The following DAB1 variants were observed in gnomAD, a reference collection of about 807,000 sequenced individuals.
DAB1 encodes disabled homolog 1.
A neutral mutation model predicts 64.6 loss-of-function variants in DAB1; 15 were observed. The observed-to-expected ratio is 0.23, with a 90% CI of 0.16 to 0.36. The LOEUF is 0.36. DAB1 is among the 10% of genes least tolerant of loss of function. The pLI, the probability that DAB1 is intolerant of heterozygous loss-of-function variation, is 1.00. For synonymous variants in DAB1, 235 were observed against 251.9 expected (o/e 0.93, Z 0.64); for missense variants, 596 against 706.7 (o/e 0.84, Z 1.78).
At chr1:57,234,720 G>C (rs761893180) in intron 2 of DAB1, among the ~76,000 whole-genome samples, 1 of 152,114 alleles carries the variant, frequency 6.6e-6, no homozygotes, top group Non-Finnish European at 1.5e-5. Context: ...TATTGACCAG[G>C]CTAGCTCTTA....
At chr1:57,670,046 G>T (rs1258704661) in intron 6 of DAB1, among the ~76,000 whole-genome samples, 19 of 151,918 alleles carry the variant, frequency 1.3e-4, no homozygotes, top group Non-Finnish European at 2.6e-4. Context: ...AAGATAAAAG[G>T]GTATCTGTAT....
intron 1 of DAB1, among the ~76,000 whole-genome samples, chr1:57,850,899 C>T (rs1279752972): frequency 6.6e-6 from 1 of 152,128 alleles, no homozygotes; most frequent in Non-Finnish European, 1.5e-5. Context: ...TGGCTCCTCG[C>T]CCATTCCTTT....
rs1050086131 is a variant in DAB1, at chr1:58,087,503, C to A, written n.387+63008G>T. ...GTGGGAAGACCTAGGATTGGAGGAGCTTGATCTGATATAGGGACTCACTGA... is the reference window on the plus strand; with the variant it reads ...GTGGGAAGACCTAGGATTGGAGGAGATTGATCTGATATAGGGACTCACTGA... On this transcript the variant is annotated intron_variant and non_coding_transcript_variant, in intron 5 of 20. Transcript: ENST00000485760. Among the ~76,000 whole-genome samples, 4 of 152,172 alleles carry A rather than the reference C, an allele frequency of 2.6e-5. No individual in the cohort carries two copies. In the South Asian group the frequency reaches 8.3e-4, roughly 32 times the overall value.
intron 1 of DAB1, among the ~76,000 whole-genome samples, chr1:57,354,976 G>A (rs1383021598): frequency 6.6e-6 from 1 of 152,098 alleles, no homozygotes; most frequent in Non-Finnish European, 1.5e-5. Context: ...GATTAGCAGA[G>A]TGAATTCCTA....
At chr1:57,448,729 GTCC>G (rs1318491307) in intron 7 of DAB1, among the ~76,000 whole-genome samples, 2 of 151,764 alleles carry the variant, frequency 1.3e-5, no homozygotes, top group Admixed American at 6.6e-5. Context: ...GATTTGATCT[GTCC>G]TCCTTCACAA....
At chr1:57,092,925 A>C (rs899214054) in intron 4 of DAB1, among the ~76,000 whole-genome samples, 2 of 152,210 alleles carry the variant, frequency 1.3e-5, no homozygotes, top group Admixed American at 6.5e-5. Flanking sequence ...TTCTAGGCAA[A>C]AAATGTAGTC....
At chr1:57,629,139 A>G (rs11207075) in intron 7 of DAB1, among the ~76,000 whole-genome samples, 36,864 of 152,148 alleles carry the variant, frequency 0.24, 4,812 homozygotes, top group Admixed American at 0.34. Flanking sequence ...AACTCATACA[A>G]TTCTTATGAG....
At chr1:58,260,116 T>C (rs1026901862) in intron 4 of DAB1, among the ~76,000 whole-genome samples, 1 of 152,040 alleles carries the variant, frequency 6.6e-6, no homozygotes, top group Admixed American at 6.6e-5. Flanking sequence ...ATTCCCTAAA[T>C]ACAGAAGGGA....
intron 4 of DAB1, among the ~76,000 whole-genome samples, chr1:58,263,231 C>G (rs1661089235): frequency 6.6e-6 from 1 of 152,160 alleles, no homozygotes; most frequent in African/African-American, 2.4e-5. Flanking sequence ...TAAGAAATAT[C>G]TGGAGTTGTT....
chr1:58,126,801 T>C (rs1277953492), intron 5 of DAB1, among the ~76,000 whole-genome samples: 1 of 151,720 alleles, frequency 6.6e-6, no homozygotes, highest in Non-Finnish European at 1.5e-5. Context: ...TCATTTTTTA[T>C]GGCTGCATAG....
Position 58,227,661 on chromosome 1 carries a change from C to T in DAB1, n.310-77073G>A, listed in dbSNP as rs529732742. 7.2e-5 allele frequency among the ~76,000 whole-genome samples: 11 copies of T among 152,212 alleles called. No homozygotes were observed. In the South Asian group the frequency reaches 2.1e-3, roughly 29 times the overall value. ...ACAATAGACCAAGAAGGAAAAGACA[C>T]CATACATACCTCACATAAGGCCTCC... On this transcript the variant is annotated intron_variant and non_coding_transcript_variant, in intron 4 of 20. Coordinates refer to the DAB1 transcript ENST00000485760.
chr1:57,919,370 G>A (rs534894452), intron 5 of DAB1, among the ~76,000 whole-genome samples: 1 of 152,358 alleles, frequency 6.6e-6, no homozygotes, highest in East Asian at 1.9e-4. Flanking sequence ...ACTGGAGCAT[G>A]TAGACATGTA....
Position 57,942,726 on chromosome 1 carries a change from C to T in DAB1, n.388-58564G>A, listed in dbSNP as rs377563375. On this transcript the variant is annotated intron_variant and non_coding_transcript_variant, in intron 5 of 20. Coordinates refer to the DAB1 transcript ENST00000485760. ...ACTACCCTAGGGAATAGCTGAGCAA[C>T]GAGATGGAAGGAACAAAGGCCCTGG... Among the ~76,000 whole-genome samples, 229 of 152,206 alleles carry T rather than the reference C, an allele frequency of 1.5e-3. 8 individuals carry two copies. The South Asian group carries it at 0.043, about 28-fold the overall frequency.
chr1:57,609,309 T>A (rs1316213704), intron 7 of DAB1, among the ~76,000 whole-genome samples: 2 of 152,224 alleles, frequency 1.3e-5, no homozygotes, highest in South Asian at 2.1e-4. Flanking sequence ...TCATTATTAT[T>A]CCCTAAGCAA....
intron 7 of DAB1, among the ~76,000 whole-genome samples, chr1:57,432,925 A>C (rs962705070): frequency 3.9e-5 from 6 of 152,242 alleles, no homozygotes; most frequent in Non-Finnish European, 8.8e-5. Context: ...TAAATTATTT[A>C]CCAAAATTAC....
intron 1 of DAB1, among the ~76,000 whole-genome samples, chr1:57,334,365 C>T (rs995689964): frequency 2.6e-5 from 4 of 152,172 alleles, no homozygotes; most frequent in African/African-American, 9.7e-5. Flanking sequence ...GGGACAGTGG[C>T]TTTATGACTT....
intron 6 of DAB1, among the ~76,000 whole-genome samples, chr1:57,674,785 G>T (rs1045894258): frequency 2.6e-5 from 4 of 152,006 alleles, no homozygotes; most frequent in African/African-American, 9.7e-5. Flanking sequence ...TACTATTATT[G>T]TTCTCCCCTT....
intron 3 of DAB1, among the ~76,000 whole-genome samples, chr1:58,484,665 A>G (rs1231497876): frequency 6.6e-6 from 1 of 152,212 alleles, no homozygotes; most frequent in Non-Finnish European, 1.5e-5. Flanking sequence ...GGAAATAACC[A>G]AGATTTCCTT....
At chr1:57,884,727 G>T (rs146809552), upstream of DAB1, among the ~76,000 whole-genome samples, 786 of 152,284 alleles carry the variant, frequency 5.2e-3, 4 homozygotes, top group Middle Eastern at 0.014. Flanking sequence ...GTTCAAATTT[G>T]ATACCCAGTG....
Sources: allele counts gnomAD v4.1 joint callset (sites outside exome capture counted in the v4.1 genomes callset), GRCh38; gene constraint gnomAD v4.1.1; transcripts MANE v1.5; gene names NCBI Gene and HGNC (gene_info 2026-07-23, HGNC 2026-07-21).